The following OPA1 variants were observed in gnomAD, a reference collection of about 807,000 sequenced individuals.
The protein encoded by OPA1 is OPA1 mitochondrial dynamin like GTPase.
Under a neutral mutation model 152.9 loss-of-function variants are expected in OPA1, and 59 were observed. The observed-to-expected ratio is 0.39, with a 90% CI of 0.31 to 0.48. The LOEUF is 0.48. OPA1 is among the 20% of genes least tolerant of loss of function. The probability of loss-of-function intolerance (pLI) is 0.96; values close to 1 mark genes in which losing one functional copy is unlikely to be tolerated. For missense variants in OPA1, 1,008 were observed against 1,216.8 expected, an observed-to-expected ratio of 0.83 and a Z score of 2.55; for synonymous variants, 400 against 389.9, an observed-to-expected ratio of 1.03 and a Z score of -0.31.
intron 6 of OPA1, among the ~76,000 whole-genome samples, chr3:193,623,450 T>TA (rs370038423): frequency 3.7e-4 from 56 of 150,568 alleles, no homozygotes; most frequent in African/African-American, 1.1e-3. Flanking sequence ...ATGTTATAAT[T>TA]AAAAAAAAAC....
At chr3:193,664,613 T>C (rs142578306) in intron 26 of OPA1, among the ~76,000 whole-genome samples, 147 of 152,172 alleles carry the variant, frequency 9.7e-4, no homozygotes, top group African/African-American at 3.3e-3. Flanking sequence ...CACAAGATGA[T>C]TATTTGATTA....
At chr3:193,628,616 G>C (rs1481560209) in intron 7 of OPA1, 2 of 152,056 alleles carry the variant, frequency 1.3e-5, no homozygotes, top group Non-Finnish European at 1.5e-5. Flanking sequence ...TTTCTGTCAG[G>C]GTGAGTTTTA....
At chr3:193,671,798 A>G (rs994680108) in intron 29 of OPA1, among the ~76,000 whole-genome samples, 1 of 152,228 alleles carries the variant, frequency 6.6e-6, no homozygotes, top group African/African-American at 2.4e-5. Context: ...ATAACTAATA[A>G]TGGATTAGGG....
chr3:193,660,899 T>C (rs958172160), intron 25 of OPA1, among the ~76,000 whole-genome samples: 3 of 152,180 alleles, frequency 2.0e-5, no homozygotes, highest in Non-Finnish European at 2.9e-5. Context: ...CTGACTTTGA[T>C]AGAGGAAGAT....
intron 29 of OPA1, among the ~76,000 whole-genome samples, chr3:193,682,902 T>A (rs1402702422): frequency 6.6e-6 from 1 of 152,182 alleles, no homozygotes; most frequent in African/African-American, 2.4e-5. Context: ...AGGAATACTT[T>A]CAACCTTGAA....
intron 24 of OPA1, 41 bp downstream of exon 24, chr3:193,659,036 G>C (rs1430946339): frequency 7.6e-7 from 1 of 1,322,630 alleles, no homozygotes; most frequent in Non-Finnish European, 1.1e-6. Context: ...AGTTCACAGT[G>C]GTGAAGGAGT....
At chr3:193,644,929 G>A (rs1202522512) in intron 16 of OPA1, among the ~76,000 whole-genome samples, 1 of 151,974 alleles carries the variant, frequency 6.6e-6, no homozygotes, top group East Asian at 1.9e-4. Context: ...TGGGCTTCAG[G>A]GGGTAGAAAC....
chr3:193,664,824 G>T, intron 26 of OPA1, 56 bp from the exon 27 acceptor site: 1 of 945,022 alleles, frequency 1.1e-6, no homozygotes. Context: ...TCTCAGTGTG[G>T]TTGATCAACA....
Position 193,600,601 on chromosome 3 carries a change from T to C in OPA1, c.32+7192T>C, listed in dbSNP as rs569982717. 4.6e-4 allele frequency among the ~76,000 whole-genome samples: 70 copies of C among 152,252 alleles called. 1 individual carries two copies. The South Asian group carries it at 0.013, about 28-fold the overall frequency. On this transcript the variant is annotated intron_variant, in intron 1 of 30. Coordinates refer to ENST00000361510, the MANE Select transcript of OPA1 (RefSeq NM_130837.3). ...TCAGACAATATAAGCAGTTCAGCAG[T>C]ATTGGGGTCTGATTGGTCAGAGTCT...
chr3:193,601,303 T>C (rs1303424299), intron 1 of OPA1, among the ~76,000 whole-genome samples: 1 of 152,138 alleles, frequency 6.6e-6, no homozygotes, highest in Non-Finnish European at 1.5e-5. Flanking sequence ...ATTTCAGTTA[T>C]TGATCATTTT....
In OPA1 at chr3:193,644,066, A is replaced by G. The variant is rs746251280; in HGVS notation, c.1569A>G (p.Lys523=). The stretch of plus-strand genomic sequence containing the variant: ...GGAGAACCATATTCGTTTTGACCAA[A>G]GTAGACCTGGCAGAGAAAAATGTAG... ...HGRRTIFVLT[K]VDLAEKNVAS... The change falls in exon 16 of 31, where the codon AAA becomes AAG. Residue 523 remains lysine, a synonymous_variant. Transcript: ENST00000361510. 18 of 1,613,914 alleles carry G rather than the reference A, an allele frequency of 1.1e-5. No individual in the cohort carries two copies. Among genetic ancestry groups the G allele is most frequent in the Non-Finnish European group, 1.5e-5 (18 of 1,179,830 alleles).
Position 193,643,895 on chromosome 3 carries a change from A to AG in OPA1, c.1478-76dup. On this transcript the variant is annotated intron_variant, in intron 15 of 30. Transcript: ENST00000361510. ...ATCTTTCTTGCTATAATGTAGACAC[A>AG]GGGGTATAATTTGTACTGAGTTTTA... 4 of 1,393,100 alleles carry AG rather than the reference A, an allele frequency of 2.9e-6. No individual in the cohort carries two copies. The South Asian group carries it at 3.6e-5, about 12-fold the overall frequency. The allele number at this position is 1,393,100 out of a possible 1,614,324, so 86.3% of individuals were successfully genotyped here. A position where few individuals can be genotyped will look rare whatever the true frequency, so the allele number is the denominator to read the frequency against.
chr3:193,607,746 T>C (rs1727514861), intron 1 of OPA1, among the ~76,000 whole-genome samples: 1 of 152,190 alleles, frequency 6.6e-6, no homozygotes, highest in Non-Finnish European at 1.5e-5. Flanking sequence ...CAATGCAGGC[T>C]CTTTTTTGGT....
At position 193,612,910 on chromosome 3, in the gene OPA1, C is replaced by T. The variant is rs146262146; in HGVS notation, c.33-1813C>T. ...GCTCAAAACACAAGTTAGTGGAGCT[C>T]GGAATCTGAGAGAAAACTCACCCAT... On this transcript the variant is annotated intron_variant, in intron 1 of 30. Transcript: ENST00000361510. Among the ~76,000 whole-genome samples, 682 of 152,234 alleles carry T rather than the reference C, an allele frequency of 4.5e-3. 8 individuals carry two copies. The highest frequency in any genetic ancestry group is 0.015 in the African/African-American group (631 of 41,544).
chr3:193,597,466 G>A (rs983694466), intron 1 of OPA1, among the ~76,000 whole-genome samples: 5 of 152,014 alleles, frequency 3.3e-5, no homozygotes, highest in Admixed American at 6.5e-5. Flanking sequence ...CGAGGTGGGC[G>A]GATCACCTGA....
Position 193,659,536 on chromosome 3 carries a change from A to G in OPA1, c.2495A>G (p.Tyr832Cys). ...VGPDWKKRWL[Y>C]WKNRTQEQCV... ...CCAGACTGGAAAAAGAGGTGGTTATACTGGAAGAATCGGACCCAAGAACAG... is the reference window on the plus strand; with the variant it reads ...CCAGACTGGAAAAAGAGGTGGTTATGCTGGAAGAATCGGACCCAAGAACAG... The change falls in exon 25 of 31, where the codon TAC (tyrosine) becomes TGC (cysteine). Residue 832 changes from tyrosine to cysteine, a missense_variant. Tyr to Cys is a radical substitution (Grantham distance 194). Transcript: ENST00000361510. 1.2e-6 allele frequency: 2 copies of G among 1,612,364 alleles called. No individual in the cohort carries two copies. The highest frequency in any genetic ancestry group is 1.3e-5 in the African/African-American group (1 of 74,974).
At chr3:193,667,138 G>A (rs371393342) in intron 28 of OPA1, 32 bp from the exon 29 acceptor site, 68 of 980,982 alleles carry the variant, frequency 6.9e-5, no homozygotes, top group Non-Finnish European at 9.8e-5. Flanking sequence ...TAAAAACGAT[G>A]CTCCTCAGGT....
intron 6 of OPA1, among the ~76,000 whole-genome samples, chr3:193,624,024 AG>A (rs1417501321): frequency 6.6e-6 from 1 of 152,250 alleles, no homozygotes; most frequent in African/African-American, 2.4e-5. Context: ...CAGGCATGGA[AG>A]GAAAGAGACA....
intron 6 of OPA1, among the ~76,000 whole-genome samples, chr3:193,619,257 T>C (rs570154660): frequency 6.6e-6 from 1 of 152,320 alleles, no homozygotes; most frequent in South Asian, 2.1e-4. Flanking sequence ...TTTCTTTCCC[T>C]AGGACCTCTC....
Sources: allele counts gnomAD v4.1 joint callset (sites outside exome capture counted in the v4.1 genomes callset), GRCh38; gene constraint gnomAD v4.1.1; transcripts MANE v1.5; gene names NCBI Gene and HGNC (gene_info 2026-07-23, HGNC 2026-07-21).